Variants in FAT4 observed in about 807,000 individuals in gnomAD.
FAT4 encodes the protein FAT atypical cadherin 4.
In FAT4, 84 loss-of-function variants were observed where a neutral mutation model predicts 303.9. The observed-to-expected ratio is 0.28, with a 90% CI of 0.23 to 0.33. The LOEUF (loss-of-function observed/expected upper bound fraction) is 0.33. Among genes scored for constraint, FAT4 ranks in the 10% least tolerant of loss-of-function variants. The pLI is 1.00. For synonymous variants in FAT4, 2,307 were observed against 2,298.8 expected, an observed-to-expected ratio of 1.00 and a Z score of -0.10; for missense variants, 6,005 against 6,146.8, an observed-to-expected ratio of 0.98 and a Z score of 0.77.
chr4:125,459,216 C>A (rs1292228263), intron 10 of FAT4, among the ~76,000 whole-genome samples: 1 of 151,930 alleles, frequency 6.6e-6, no homozygotes, highest in East Asian at 1.9e-4. Flanking sequence ...ATTATCGTAT[C>A]TTCATGGAGT....
At chr4:125,464,802 A>G (rs569149009) in intron 11 of FAT4, among the ~76,000 whole-genome samples, 3 of 152,254 alleles carry the variant, frequency 2.0e-5, no homozygotes, top group African/African-American at 7.2e-5. Context: ...TTTGCTGAGA[A>G]TGATGGTTTC....
chr4:125,466,182 C>A (rs369291378), intron 11 of FAT4, among the ~76,000 whole-genome samples: 1 of 152,016 alleles, frequency 6.6e-6, no homozygotes, highest in African/African-American at 2.4e-5. Flanking sequence ...ATTATAAAGG[C>A]GACATGTATA....
chr4:125,397,223 G>A (rs370075623), intron 2 of FAT4, among the ~76,000 whole-genome samples: 48 of 152,020 alleles, frequency 3.2e-4, no homozygotes, highest in African/African-American at 1.1e-3. Flanking sequence ...ATATCATCAG[G>A]ATTTAGTCTT....
intron 2 of FAT4, among the ~76,000 whole-genome samples, chr4:125,358,270 C>T (rs1477752880): frequency 1.3e-5 from 2 of 152,042 alleles, no homozygotes; most frequent in African/African-American, 4.8e-5. Context: ...GGACCGGTTT[C>T]ATGGAAGACA....
chr4:125,354,463 C>T (rs561534523), intron 2 of FAT4, among the ~76,000 whole-genome samples: 10 of 151,696 alleles, frequency 6.6e-5, no homozygotes, highest in Non-Finnish European at 1.5e-4. Flanking sequence ...GGTTTCATTT[C>T]TTTGCTGATG....
At chr4:125,353,108 A>C (rs565692762) in intron 2 of FAT4, among the ~76,000 whole-genome samples, 1 of 151,786 alleles carries the variant, frequency 6.6e-6, no homozygotes, top group Non-Finnish European at 1.5e-5. Context: ...AAACATTGTT[A>C]ATACTAATAA....
At chr4:125,347,336 AAAG>A (rs1365262175) in intron 2 of FAT4, among the ~76,000 whole-genome samples, 1 of 151,402 alleles carries the variant, frequency 6.6e-6, no homozygotes, top group Non-Finnish European at 1.5e-5. Flanking sequence ...CTAACAAAAG[AAAG>A]AAGATAAGAA....
intron 10 of FAT4, among the ~76,000 whole-genome samples, chr4:125,454,867 G>C (rs958659085): frequency 6.6e-6 from 1 of 152,126 alleles, no homozygotes; most frequent in African/African-American, 2.4e-5. Flanking sequence ...GTGGTACACT[G>C]TGCAGTATTC....
chr4:125,334,256 T>C (rs144289155), intron 2 of FAT4, among the ~76,000 whole-genome samples: 53 of 152,216 alleles, frequency 3.5e-4, no homozygotes, highest in African/African-American at 1.2e-3. Flanking sequence ...AAAAGAAAGA[T>C]TTTTTGTTAT....
At chr4:125,356,516 C>T (rs1578554373) in intron 2 of FAT4, among the ~76,000 whole-genome samples, 1 of 145,732 alleles carries the variant, frequency 6.9e-6, no homozygotes, top group Admixed American at 7.0e-5. Flanking sequence ...ATATTCTTCT[C>T]TAAATTTGTA....
intron 17 of FAT4, 89 bp downstream of exon 17, chr4:125,487,695 T>C (rs1727460354): frequency 6.0e-6 from 8 of 1,328,592 alleles, no homozygotes; most frequent in Non-Finnish European, 8.1e-6. Context: ...ACTACACATT[T>C]AACATGAATC....
At chr4:125,405,284 T>G (rs1605826) in intron 3 of FAT4, among the ~76,000 whole-genome samples, 150,463 of 152,206 alleles carry the variant, frequency 0.99, 74,390 homozygotes, top group East Asian at 1. Context: ...GTGATTCTAT[T>G]TGTTATTTTT....
chr4:125,487,419 A>G lies in FAT4; in HGVS notation c.12897A>G (p.Val4299=). Reference sequence around the variant, plus strand: ...AAGTGGAGAGAAATATTCCTGAAGTATATGTTGCAGACGGCCACTGGCACA... The same window carrying G: ...AAGTGGAGAGAAATATTCCTGAAGTGTATGTTGCAGACGGCCACTGGCACA... ...AGKVERNIPE[V]YVADGHWHTF... The change falls in exon 17 of 18, where the codon GTA becomes GTG. Residue 4299 remains valine (V), a synonymous_variant. Coordinates refer to ENST00000394329, the MANE Select transcript of FAT4 (RefSeq NM_001291303.3). 4 of 1,614,092 alleles carry G rather than the reference A, an allele frequency of 2.5e-6. No individual in the cohort carries two copies. The highest frequency in any genetic ancestry group is 2.5e-6 in the Non-Finnish European group (3 of 1,179,930).
intron 2 of FAT4, among the ~76,000 whole-genome samples, chr4:125,358,290 T>C (rs1316885403): frequency 2.0e-5 from 3 of 152,106 alleles, no homozygotes; most frequent in African/African-American, 7.2e-5. Flanking sequence ...AATTTTTCCA[T>C]GGACCCAGGT....
chr4:125,368,297 T>C (rs1047525050), intron 2 of FAT4, among the ~76,000 whole-genome samples: 2 of 151,940 alleles, frequency 1.3e-5, no homozygotes, highest in Non-Finnish European at 2.9e-5. Flanking sequence ...AACCATGTTT[T>C]TAATCTGACT....
chr4:125,322,104 T>G (rs1255098931), intron 2 of FAT4, among the ~76,000 whole-genome samples: 1 of 152,200 alleles, frequency 6.6e-6, no homozygotes, highest in Non-Finnish European at 1.5e-5. Context: ...GCAGTTTCTT[T>G]ATAGACAGTG....
In FAT4 at chr4:125,316,583, G is replaced by A. The variant is rs377541040; in HGVS notation, c.172G>A (p.Gly58Ser). Reference sequence around the variant, plus strand: ...CCAAGTGCTGGAAGAGCAACCTCCAGGCACTCTGGTAGGCACCATCCAGAC... The same window carrying A: ...CCAAGTGCTGGAAGAGCAACCTCCAAGCACTCTGGTAGGCACCATCCAGAC... ...VFQVLEEQPP[G>S]TLVGTIQTRP... The change falls in exon 2 of 18, where the codon GGC becomes AGC. Residue 58 changes from glycine (G) to serine (S), a missense_variant. By Grantham distance (56) the Gly-to-Ser change is moderately conservative. Transcript: ENST00000394329. This position sits in a 1 kb window ranked among gnomAD's most constrained non-coding sequence, Gnocchi z 5.7. 8.6e-5 allele frequency: 139 copies of A among 1,613,924 alleles called. No homozygotes were observed. Among genetic ancestry groups the A allele is most frequent in the Non-Finnish European group, 1.1e-4 (131 of 1,180,032 alleles).
chr4:125,319,850 G>C lies in FAT4; in HGVS notation c.3439G>C (p.Glu1147Gln). Residue 1147 changes from glutamate to glutamine, a missense_variant, in exon 2 of 18, where the codon GAG (glutamate) becomes CAG (glutamine). Coordinates refer to ENST00000394329, the MANE Select transcript of FAT4 (RefSeq NM_001291303.3). Reference protein sequence around the residue: ...YSFEMVQPDFELHAISGEITN... With the variant: ...YSFEMVQPDFQLHAISGEITN... The stretch of plus-strand genomic sequence containing the variant: ...TTTTGAAATGGTGCAGCCAGATTTT[G>C]AGTTGCATGCCATCAGTGGGGAAAT... 6.2e-7 allele frequency: 1 copy of C among 1,614,158 alleles called. No individual in the cohort carries two copies. The highest frequency in any genetic ancestry group is 8.5e-7 in the Non-Finnish European group (1 of 1,180,010).
chr4:125,353,731 A>C (rs1003910385), intron 2 of FAT4, among the ~76,000 whole-genome samples: 3 of 151,686 alleles, frequency 2.0e-5, no homozygotes, highest in African/African-American at 7.2e-5. Context: ...ACTTATATGC[A>C]TACATACTTT....
Sources: gnomAD v4.1 joint callset for allele counts (sites outside exome capture counted in the v4.1 genomes callset) on GRCh38, gnomAD v4.1.1 for gene constraint, Gnocchi (gnomAD v3.1) non-coding constraint, MANE v1.5 for transcripts, NCBI Gene and HGNC (gene_info 2026-07-23, HGNC 2026-07-21) for gene names.